The following ECPAS variants were observed in gnomAD, a reference collection of about 807,000 sequenced individuals.
The protein encoded by ECPAS is Ecm29 proteasome adaptor and scaffold, also known as proteasome adapter and scaffold protein ECM29.
A neutral mutation model predicts 255.1 loss-of-function variants in ECPAS; 70 were observed. That is an observed-to-expected ratio of 0.27 (90% CI 0.23 to 0.33). The LOEUF is 0.33. Among genes scored for constraint, ECPAS ranks in the 10% least tolerant of loss-of-function variants. The probability of loss-of-function intolerance (pLI) is 1.00; values close to 1 mark genes in which losing one functional copy is unlikely to be tolerated. For missense variants in ECPAS, 1,817 were observed against 2,206.4 expected, an observed-to-expected ratio of 0.82 and a Z score of 3.54; for synonymous variants, 784 against 775.0, an observed-to-expected ratio of 1.01 and a Z score of -0.19.
At chr9:111,421,520 T>C (rs2098213910) in intron 15 of ECPAS, among the ~76,000 whole-genome samples, 1 of 151,870 alleles carries the variant, frequency 6.6e-6, no homozygotes, top group South Asian at 2.1e-4. Flanking sequence ...AGAGCATGTA[T>C]GATAGTACTG....
At chr9:111,478,652 A>G (rs1172907529) in intron 1 of ECPAS, among the ~76,000 whole-genome samples, 2 of 152,246 alleles carry the variant, frequency 1.3e-5, no homozygotes, top group Admixed American at 1.3e-4. Flanking sequence ...ATTTAAATTG[A>G]TATGACGTAA....
chr9:111,365,847 A>C (rs2098119839), intron 48 of ECPAS: 1 of 166,912 alleles, frequency 6.0e-6, no homozygotes, highest in African/African-American at 2.4e-5. Flanking sequence ...ATACTTTCAA[A>C]TGGTTCAGGA....
intron 34 of ECPAS, among the ~76,000 whole-genome samples, chr9:111,384,223 C>G (rs1436936311): frequency 1.3e-5 from 2 of 152,184 alleles, no homozygotes; most frequent in Non-Finnish European, 2.9e-5. Flanking sequence ...TATATAAACA[C>G]AGCAAAAGCA....
chr9:111,384,436 C>T (rs1251113573), intron 34 of ECPAS, 86 bp downstream of exon 34: 1 of 1,239,250 alleles, frequency 8.1e-7, no homozygotes, highest in African/African-American at 1.5e-5. Flanking sequence ...AACTAAATGT[C>T]TTTTCCTATG....
In ECPAS at chr9:111,437,097, T is replaced by C. The variant is rs376530452; in HGVS notation, c.551A>G (p.Asn184Ser). The C allele has an allele frequency of 1.2e-6, 2 of 1,602,922 alleles. No homozygotes were observed. Among genetic ancestry groups the C allele is most frequent in the Non-Finnish European group, 1.7e-6 (2 of 1,176,726 alleles). The change falls in exon 7 of 50, where the codon AAT (asparagine) becomes AGT (serine). Residue 184 changes from asparagine (N) to serine (S), a missense_variant. Coordinates refer to ENST00000684092, the MANE Select transcript of ECPAS (RefSeq NM_001364929.1). Reference sequence around the variant, plus strand: ...TGAATTTTGGCGACTCTGGGATTCATTTAACACGTAACTGGAAAGGAAATA... The same window carrying C: ...TGAATTTTGGCGACTCTGGGATTCACTTAACACGTAACTGGAAAGGAAATA... ...VLLMPYGYVL[N>S]ESQSRQNSSS... is the part of the protein sequence containing the mutation.
intron 4 of ECPAS, among the ~76,000 whole-genome samples, chr9:111,443,044 G>A (rs2098248014): frequency 6.6e-6 from 1 of 152,094 alleles, no homozygotes; most frequent in Non-Finnish European, 1.5e-5. Context: ...TGCTCCTTGG[G>A]GCATTGCAGA....
chr9:111,386,991 C>T (rs904270901), intron 31 of ECPAS, among the ~76,000 whole-genome samples: 4 of 152,252 alleles, frequency 2.6e-5, no homozygotes, highest in African/African-American at 9.6e-5. Context: ...TACTGCAGAC[C>T]CTCAAGGGGG....
At chr9:111,451,161 G>A (rs149804873) in intron 3 of ECPAS, among the ~76,000 whole-genome samples, 1 of 152,244 alleles carries the variant, frequency 6.6e-6, no homozygotes, top group African/African-American at 2.4e-5. Flanking sequence ...TTCAGATCAT[G>A]CCTCCATACA....
intron 1 of ECPAS, 131 bp downstream of exon 1, chr9:111,483,985 C>G (rs2098311293): frequency 3.0e-6 from 3 of 997,528 alleles, no homozygotes; most frequent in Non-Finnish European, 3.6e-6. Context: ...TCCTGCCCAC[C>G]TGTCGCCGCC....
chr9:111,426,665 G>A (rs551194322), intron 10 of ECPAS, among the ~76,000 whole-genome samples: 3 of 149,154 alleles, frequency 2.0e-5, no homozygotes, highest in East Asian at 4.0e-4. Flanking sequence ...AGGCCAGTCT[G>A]GGCAACATAG....
chr9:111,363,914 TA>T (rs1484011167), intron 48 of ECPAS, among the ~76,000 whole-genome samples: 1 of 152,110 alleles, frequency 6.6e-6, no homozygotes, highest in Non-Finnish European at 1.5e-5. Context: ...CAAATGGCAA[TA>T]TTTAAATGAT....
At chr9:111,467,685 G>A (rs1190004386) in intron 2 of ECPAS, among the ~76,000 whole-genome samples, 2 of 152,128 alleles carry the variant, frequency 1.3e-5, no homozygotes, top group African/African-American at 2.4e-5. Context: ...AGTTACTACA[G>A]AAATATATTA....
rs1213964274 is a variant in ECPAS at position 111,436,045 on chromosome 9, AG to A, written c.708+894del. Among the ~76,000 whole-genome samples, 3 of 151,138 alleles carry A rather than the reference AG, an allele frequency of 2.0e-5. No homozygotes were observed. The East Asian group carries it at 5.8e-4, about 29-fold the overall frequency. On this transcript the variant is annotated intron_variant, in intron 7 of 49. Transcript: ENST00000684092. ...ATAGTTTAAGGAGGAAAAAAAAAAA[AG>A]ATCCATAAAACATGAAGAAGGAAAT...
chr9:111,376,740 A>T (rs2098133735), intron 36 of ECPAS, among the ~76,000 whole-genome samples, 199 bp from the exon 37 acceptor site: 1 of 152,216 alleles, frequency 6.6e-6, no homozygotes, highest in Non-Finnish European at 1.5e-5. Flanking sequence ...AACCAGCACC[A>T]CACTACAGGT....
In ECPAS at chr9:111,412,014, G is replaced by C. The variant is rs369771486; in HGVS notation, c.2214C>G (p.His738Gln). 61 of 1,543,736 alleles carry C rather than the reference G, an allele frequency of 4.0e-5. No homozygotes were observed. The highest frequency in any genetic ancestry group is 5.2e-5 in the Non-Finnish European group (60 of 1,155,012). The change falls in exon 21 of 50, where the codon CAC becomes CAG. Residue 738 changes from histidine to glutamine, a missense_variant and splice_region_variant. This residue lies in a region of ECPAS where 194 missense variants were observed against 152.8 expected (regional missense o/e 1.27). Coordinates refer to ENST00000684092, the MANE Select transcript of ECPAS (RefSeq NM_001364929.1). ...AAAGAATGAAAACAAAATAACATACGTGATTGTCTTTTGTAGTCTTTATAA... is the reference window on the plus strand; with the variant it reads ...AAAGAATGAAAACAAAATAACATACCTGATTGTCTTTTGTAGTCTTTATAA... ...EQLIKTTKDN[H>Q]SPEIQHGSLL...
At chr9:111,431,326 G>GCT (rs756307370) in intron 8 of ECPAS, among the ~76,000 whole-genome samples, 15 of 152,186 alleles carry the variant, frequency 9.9e-5, no homozygotes, top group Non-Finnish European at 2.2e-4. Flanking sequence ...GGGAGGCCGA[G>GCT]GCGGGTGGAT....
At chr9:111,417,796 T>C in intron 17 of ECPAS, 87 bp downstream of exon 17, 1 of 1,232,582 alleles carries the variant, frequency 8.1e-7, no homozygotes, top group Non-Finnish European at 1.1e-6. Context: ...AGTCAACATC[T>C]AGTGATTACA....
intron 2 of ECPAS, among the ~76,000 whole-genome samples, chr9:111,459,718 T>C (rs1181020786): frequency 6.6e-6 from 1 of 152,174 alleles, no homozygotes; most frequent in Non-Finnish European, 1.5e-5. Context: ...TAATTACTTC[T>C]AAAGACAGAC....
At chr9:111,438,676 C>G (rs1345287927) in intron 6 of ECPAS, among the ~76,000 whole-genome samples, 1 of 152,172 alleles carries the variant, frequency 6.6e-6, no homozygotes, top group Non-Finnish European at 1.5e-5. Context: ...CTGGAGTAAG[C>G]TGAGACAGTA....
Sources: gnomAD v4.1 joint callset for allele counts (sites outside exome capture counted in the v4.1 genomes callset) on GRCh38, gnomAD v4.1.1 for gene constraint, gnomAD v4.1.1 regional missense constraint, MANE v1.5 for transcripts, NCBI Gene and HGNC (gene_info 2026-07-23, HGNC 2026-07-21) for gene names.